Variants in PPME1 observed in about 807,000 individuals in gnomAD.
PPME1 encodes the protein testicular secretory protein Li 39.
PPME1 carries 17 observed loss-of-function variants against 56.9 expected under a neutral mutation model. The ratio of observed to expected loss-of-function variants is 0.30; its 90% CI spans 0.20 to 0.45. PPME1 has a LOEUF of 0.45. PPME1 is among the 20% of genes least tolerant of loss of function. The pLI is 1.00. For synonymous variants in PPME1, 122 were observed against 156.2 expected (o/e 0.78, Z 1.63); for missense variants, 357 against 483.2 (o/e 0.74, Z 2.45).
At chr11:74,243,905 T>G (rs1342472538) in intron 9 of PPME1, among the ~76,000 whole-genome samples, 1 of 152,136 alleles carries the variant, frequency 6.6e-6, no homozygotes, top group Non-Finnish European at 1.5e-5. Flanking sequence ...ACATCTGAGA[T>G]TTTATGCCTA....
intron 3 of PPME1, chr11:74,206,060 T>G (rs1285452941): frequency 6.6e-6 from 1 of 152,212 alleles, no homozygotes; most frequent in Non-Finnish European, 1.5e-5. Context: ...AATTTAAAAA[T>G]TTTATACTTA....
intron 5 of PPME1, among the ~76,000 whole-genome samples, chr11:74,228,158 AC>A (rs1260051363): frequency 4.6e-5 from 7 of 150,832 alleles, no homozygotes; most frequent in Non-Finnish European, 8.8e-5. Flanking sequence ...AAAAAAAAAA[AC>A]AGTTTGCCCC....
rs923362853 is a variant in PPME1, at chr11:74,180,431, G to A, written c.101+8909G>A. Among the ~76,000 whole-genome samples, 6 of 152,098 alleles carry A rather than the reference G, an allele frequency of 3.9e-5. No homozygotes were observed. The South Asian group carries it at 8.3e-4, about 21-fold the overall frequency. On this transcript the variant is annotated intron_variant, in intron 1 of 13. Coordinates refer to ENST00000328257, the MANE Select transcript of PPME1 (RefSeq NM_016147.3). Reference sequence around the variant, plus strand: ...TTTAACCCCGTTCTATAAGAACAACGTTATTTCCCCATCAGTTCCCTTAAG... The same window carrying A: ...TTTAACCCCGTTCTATAAGAACAACATTATTTCCCCATCAGTTCCCTTAAG...
At chr11:74,221,987 A>G (rs1347930728) in intron 3 of PPME1, among the ~76,000 whole-genome samples, 1 of 152,188 alleles carries the variant, frequency 6.6e-6, no homozygotes, top group African/African-American at 2.4e-5. Flanking sequence ...AAAGATATCC[A>G]AGGAATATAG....
At chr11:74,217,814 T>C (rs1858695653) in intron 3 of PPME1, among the ~76,000 whole-genome samples, 1 of 151,832 alleles carries the variant, frequency 6.6e-6, no homozygotes, top group South Asian at 2.1e-4. Flanking sequence ...ACCCACAGCT[T>C]GTATAATACT....
At chr11:74,241,437 C>G (rs1307385018) in intron 9 of PPME1, among the ~76,000 whole-genome samples, 1 of 152,136 alleles carries the variant, frequency 6.6e-6, no homozygotes. Context: ...ATGAATAATA[C>G]TTCTTTGAAC....
chr11:74,200,357 T>TTGTGTG lies in PPME1; in HGVS notation c.102-3332_102-3327dup, dbSNP rs71919163. ...TCTAGTTTATAAACAGTCATGTGTTTTGTGTGTGTGTGTGTGTGTGTGTGT... is the reference window on the plus strand; with the variant it reads ...TCTAGTTTATAAACAGTCATGTGTTTTGTGTGTGTGTGTGTGTGTGTGTGTGTGTGT... On this transcript the variant is annotated intron_variant, in intron 1 of 13. Transcript: ENST00000328257. Among the ~76,000 whole-genome samples, 604 of 145,914 alleles carry TTGTGTG rather than the reference T, an allele frequency of 4.1e-3. 3 individuals carry two copies. The highest frequency in any genetic ancestry group is 0.014 in the African/African-American group (551 of 39,454).
At chr11:74,190,409 G>A (rs1010260665) in intron 1 of PPME1, among the ~76,000 whole-genome samples, 2 of 152,106 alleles carry the variant, frequency 1.3e-5, no homozygotes, top group Non-Finnish European at 2.9e-5. Context: ...CCCTGCTGTC[G>A]GCTCCCACTC....
intron 3 of PPME1, among the ~76,000 whole-genome samples, chr11:74,206,965 A>G (rs1196370601): frequency 6.6e-6 from 1 of 152,202 alleles, no homozygotes; most frequent in African/African-American, 2.4e-5. Flanking sequence ...ATTTTTCTGT[A>G]ATACTATGAG....
intron 8 of PPME1, among the ~76,000 whole-genome samples, chr11:74,237,031 C>T (rs1051599906): frequency 1.3e-5 from 2 of 151,982 alleles, no homozygotes; most frequent in Non-Finnish European, 2.9e-5. Flanking sequence ...CTTCTGTCTC[C>T]CTCTTTTTTT....
intron 11 of PPME1, chr11:74,247,426 G>T: frequency 3.9e-6 from 1 of 256,394 alleles, no homozygotes; most frequent in Non-Finnish European, 7.3e-6. Flanking sequence ...GTACTGTATA[G>T]GTGTATGATA....
intron 3 of PPME1, among the ~76,000 whole-genome samples, chr11:74,219,746 T>C (rs771868478): frequency 8.6e-5 from 13 of 151,922 alleles, no homozygotes; most frequent in Non-Finnish European, 1.5e-4. Context: ...GGAACAGTAG[T>C]GGATGGGGAG....
At chr11:74,209,873 T>C (rs6592549) in intron 3 of PPME1, among the ~76,000 whole-genome samples, 15,881 of 152,134 alleles carry the variant, frequency 0.1, 2,174 homozygotes, top group African/African-American at 0.32. Flanking sequence ...AATGATAATA[T>C]AGGAAAACTA....
chr11:74,246,544 G>A (rs1301714592), intron 10 of PPME1, among the ~76,000 whole-genome samples: 1 of 152,170 alleles, frequency 6.6e-6, no homozygotes, highest in Non-Finnish European at 1.5e-5. Flanking sequence ...GTCACATTGG[G>A]AATTGGGGCT....
At chr11:74,179,014 G>T (rs1039952517) in intron 1 of PPME1, among the ~76,000 whole-genome samples, 8 of 151,914 alleles carry the variant, frequency 5.3e-5, no homozygotes, top group African/African-American at 1.9e-4. Flanking sequence ...CAAGTTACAG[G>T]TATATTCTAC....
intron 1 of PPME1, among the ~76,000 whole-genome samples, chr11:74,189,440 C>T (rs1248924949): frequency 6.6e-6 from 1 of 152,040 alleles, no homozygotes; most frequent in African/African-American, 2.4e-5. Context: ...CAGGTGTGCA[C>T]CACCGTGCCC....
intron 5 of PPME1, among the ~76,000 whole-genome samples, chr11:74,227,357 G>T (rs1486226314): frequency 5.3e-5 from 8 of 150,252 alleles, no homozygotes; most frequent in Admixed American, 5.3e-4. Flanking sequence ...TTTTTTAATG[G>T]TAAAAATCAT....
intron 13 of PPME1, 36 bp from the exon 14 acceptor site, chr11:74,253,456 A>G (rs920125594): frequency 3.1e-6 from 5 of 1,588,080 alleles, no homozygotes; most frequent in East Asian, 4.5e-5. Context: ...ATTGATAGTT[A>G]CATTTGTTTT....
At chr11:74,214,118 C>G (rs1474501080) in intron 3 of PPME1, among the ~76,000 whole-genome samples, 1 of 151,000 alleles carries the variant, frequency 6.6e-6, no homozygotes, top group African/African-American at 2.5e-5. Context: ...GAAAATTTAT[C>G]TATAGATAAA....
Sources: allele counts gnomAD v4.1 joint callset (sites outside exome capture counted in the v4.1 genomes callset), GRCh38; gene constraint gnomAD v4.1.1; transcripts MANE v1.5; gene names NCBI Gene and HGNC (gene_info 2026-07-23, HGNC 2026-07-21).